The following RABL3 variants were observed in gnomAD, a reference collection of about 807,000 sequenced individuals.
RABL3 encodes RAB, member of RAS oncogene family like 3, also known as rab-like protein 3.
In RABL3, 31 loss-of-function variants were observed where a neutral mutation model predicts 31.8. The observed-to-expected ratio is 0.97, with a 90% CI of 0.73 to 1.31. The LOEUF (loss-of-function observed/expected upper bound fraction) is 1.31. RABL3 is among the 40% of genes most tolerant of loss of function. The pLI, the probability that RABL3 is intolerant of heterozygous loss-of-function variation, is 0.00. For missense variants in RABL3, 263 were observed against 279.6 expected (o/e 0.94, Z 0.42); for synonymous variants, 97 against 99.9 (o/e 0.97, Z 0.18).
At chr3:120,691,039 T>G (rs1036058690) in intron 6 of RABL3, among the ~76,000 whole-genome samples, 3 of 152,144 alleles carry the variant, frequency 2.0e-5, no homozygotes, top group African/African-American at 7.2e-5. Context: ...TTTAACTAAC[T>G]GCACCCTTAC....
intron 3 of RABL3, among the ~76,000 whole-genome samples, chr3:120,708,931 G>A (rs887072482): frequency 3.3e-5 from 5 of 151,844 alleles, no homozygotes; most frequent in Admixed American, 3.3e-4. Flanking sequence ...CATGATCTGG[G>A]AAGACATCAG....
chr3:120,719,817 T>G (rs938587372), intron 2 of RABL3, among the ~76,000 whole-genome samples: 3 of 152,234 alleles, frequency 2.0e-5, no homozygotes, highest in South Asian at 4.1e-4. Flanking sequence ...TGTCCCTGTC[T>G]GACAGCTTTG....
rs990597039 is a variant in RABL3 at position 120,732,510 on chromosome 3, C to T, written c.47-1723G>A. Among the ~76,000 whole-genome samples the T allele has an allele frequency of 5.3e-5, 8 of 152,092 alleles. No individual in the cohort carries two copies. The South Asian group carries it at 1.2e-3, about 24-fold the overall frequency. ...ATGATGCCATCTGTTGATTTATTTG[C>T]AGTGGAGAAGAATGCCCTGTATAAA... is the stretch of plus-strand genomic sequence containing the variant. On this transcript the variant is annotated intron_variant, in intron 1 of 7. Coordinates refer to ENST00000273375, the MANE Select transcript of RABL3 (RefSeq NM_173825.5).
chr3:120,737,520 A>G (rs570527824), intron 1 of RABL3, among the ~76,000 whole-genome samples: 49 of 152,276 alleles, frequency 3.2e-4, no homozygotes, highest in Non-Finnish European at 6.6e-4. Context: ...TCTTCTCTCA[A>G]CTTGTGAAAG....
At chr3:120,714,573 G>A (rs559500273) in intron 2 of RABL3, among the ~76,000 whole-genome samples, 3 of 151,748 alleles carry the variant, frequency 2.0e-5, no homozygotes, top group African/African-American at 4.8e-5. Flanking sequence ...TTTATTTAAC[G>A]TCTAAACTTC....
At chr3:120,730,880 A>T in intron 1 of RABL3, 93 bp from the exon 2 acceptor site, 1 of 813,676 alleles carries the variant, frequency 1.2e-6, no homozygotes, top group South Asian at 1.4e-5. Context: ...GAATAATGTT[A>T]AGTAAAGCAT....
Position 120,687,846 on chromosome 3 carries a change from G to A in RABL3, c.*1977C>T, listed in dbSNP as rs370438416. ...GAGTCTCACTCTGTCACCTAGGCTGGAGTGCAGTGACACGATCTTGACTCA... is the reference window on the plus strand; with the variant it reads ...GAGTCTCACTCTGTCACCTAGGCTGAAGTGCAGTGACACGATCTTGACTCA... On this transcript the variant is annotated 3_prime_UTR_variant, in exon 8 of 8. Coordinates refer to ENST00000273375, the MANE Select transcript of RABL3 (RefSeq NM_173825.5). The A allele has an allele frequency of 6.6e-6, 1 of 151,348 alleles. No homozygotes were observed. Among genetic ancestry groups the A allele is most frequent in the South Asian group, 2.1e-4 (1 of 4,768 alleles). 9.4% of individuals were successfully genotyped at this position (151,348 alleles called of 1,614,324 possible). A position where few individuals can be genotyped will look rare whatever the true frequency, so the allele number is the denominator to read the frequency against.
chr3:120,709,623 C>T (rs1208951528), intron 3 of RABL3, among the ~76,000 whole-genome samples, 157 bp downstream of exon 3: 10 of 152,006 alleles, frequency 6.6e-5, no homozygotes, highest in African/African-American at 1.7e-4. Flanking sequence ...AATGTAGAAA[C>T]GCAAACTGGA....
At chr3:120,737,584 AG>A (rs1159521923) in intron 1 of RABL3, among the ~76,000 whole-genome samples, 4 of 152,212 alleles carry the variant, frequency 2.6e-5, no homozygotes, top group African/African-American at 4.8e-5. Context: ...GTTTCTTTGC[AG>A]GGGGAGAGGT....
At chr3:120,737,238 T>A (rs1305223484) in intron 1 of RABL3, among the ~76,000 whole-genome samples, 5 of 152,214 alleles carry the variant, frequency 3.3e-5, no homozygotes, top group Non-Finnish European at 7.3e-5. Context: ...TACTCTTTTT[T>A]CTCTAAACTT....
intron 2 of RABL3, among the ~76,000 whole-genome samples, chr3:120,715,293 C>T (rs1708655430): frequency 2.6e-5 from 4 of 152,344 alleles, no homozygotes; most frequent in South Asian, 4.1e-4. Flanking sequence ...AATCCCAGCA[C>T]ATTTGGAGTC....
upstream of RABL3, chr3:120,742,675 T>C (rs114707519): frequency 0.015 from 10,061 of 669,584 alleles, 286 homozygotes; most frequent in Admixed American, 0.093. Context: ...AGCGGGGTGC[T>C]TCCCCAGCTG....
intron 1 of RABL3, among the ~76,000 whole-genome samples, chr3:120,732,258 C>T (rs1035120681): frequency 5.3e-5 from 8 of 152,146 alleles, no homozygotes; most frequent in African/African-American, 1.7e-4. Flanking sequence ...ACCCATTGGC[C>T]TGGTGAATTA....
chr3:120,730,731 G>C lies in RABL3; in HGVS notation c.103C>G (p.Pro35Ala). ...ACTGAGCAGCCCACAGTCCATGATGGATTTCCCAGCACTTGATTTTGGCAT... is the reference window on the plus strand; with the variant it reads ...ACTGAGCAGCCCACAGTCCATGATGCATTTCCCAGCACTTGATTTTGGCAT... The part of the protein sequence containing the change: ...LLCQNQVLGN[P>A]SWTVGCSVDV... Residue 35 changes from proline (P) to alanine (A), a missense_variant, in exon 2 of 8, where the codon CCA becomes GCA. Transcript: ENST00000273375. 1 of 1,613,890 alleles carries C rather than the reference G, an allele frequency of 6.2e-7. No individual in the cohort carries two copies. Among genetic ancestry groups the C allele is most frequent in the Non-Finnish European group, 8.5e-7 (1 of 1,179,868 alleles).
In RABL3 at chr3:120,685,100, G is replaced by C. The variant is rs1450126488; in HGVS notation, c.*4723C>G. Among the ~76,000 whole-genome samples, 1 of 152,234 alleles carries C rather than the reference G, an allele frequency of 6.6e-6. No individual in the cohort carries two copies. Among genetic ancestry groups the C allele is most frequent in the East Asian group, 1.9e-4 (1 of 5,200 alleles). ...AGTGGGCACGTAGCCCAGACGAGCA[G>C]AGCCAGGGAGGGCTTCCCAGAGAAG... On this transcript the variant is annotated 3_prime_UTR_variant, in exon 8 of 8. Coordinates refer to ENST00000273375, the MANE Select transcript of RABL3 (RefSeq NM_173825.5).
chr3:120,686,268 A>G lies in RABL3; in HGVS notation c.*3555T>C, dbSNP rs573059694. On this transcript the variant is annotated 3_prime_UTR_variant, in exon 8 of 8. Transcript: ENST00000273375. ...TAAACCAATGCAGACACCCTGTTAG[A>G]CCTTTAAACTTCTTAAAATATGATG... 1.3e-5 allele frequency among the ~76,000 whole-genome samples: 2 copies of G among 152,296 alleles called. No individual in the cohort carries two copies. The highest frequency in any genetic ancestry group is 4.1e-4 in the South Asian group (2 of 4,828).
intron 7 of RABL3, 52 bp from the exon 8 acceptor site, chr3:120,689,940 T>A: frequency 7.2e-7 from 1 of 1,395,900 alleles, no homozygotes; most frequent in Non-Finnish European, 1.0e-6. Context: ...AAAGTTCAAA[T>A]ACTAATAGTA....
rs1482291335 is a variant in RABL3 at position 120,687,290 on chromosome 3, A to G, written c.*2533T>C. ...GTCCCATCAAGAGAGTAAGATATAC[A>G]TATGTAAAGAGATGGAGTCCCACTC... On this transcript the variant is annotated 3_prime_UTR_variant, in exon 8 of 8. Coordinates refer to ENST00000273375, the MANE Select transcript of RABL3 (RefSeq NM_173825.5). 3 of 152,146 alleles carry G rather than the reference A, an allele frequency of 2.0e-5. No homozygotes were observed. Among genetic ancestry groups the G allele is most frequent in the African/African-American group, 7.2e-5 (3 of 41,424 alleles). 9.4% of individuals were successfully genotyped at this position (152,146 alleles called of 1,614,324 possible).
intron 3 of RABL3, among the ~76,000 whole-genome samples, chr3:120,708,373 T>G (rs896284436): frequency 6.6e-6 from 1 of 151,996 alleles, no homozygotes; most frequent in Non-Finnish European, 1.5e-5. Context: ...ATGGATTTCT[T>G]CTTCAGCACT....
Sources: allele counts gnomAD v4.1 joint callset (sites outside exome capture counted in the v4.1 genomes callset), GRCh38; gene constraint gnomAD v4.1.1; transcripts MANE v1.5; gene names NCBI Gene and HGNC (gene_info 2026-07-23, HGNC 2026-07-21).